The following SLC44A5 variants were observed in gnomAD, a reference collection of about 807,000 sequenced individuals.
The protein encoded by SLC44A5 is solute carrier family 44 member 5, also known as choline transporter-like protein 5.
SLC44A5 carries 57 observed loss-of-function variants against 101.8 expected under a neutral mutation model. That is an observed-to-expected ratio of 0.56 (90% confidence interval 0.45 to 0.70). The LOEUF (loss-of-function observed/expected upper bound fraction) is 0.70. SLC44A5 is among the 30% of genes least tolerant of loss of function. The pLI, the probability that SLC44A5 is intolerant of heterozygous loss-of-function variation, is 0.00. For missense variants in SLC44A5, 737 were observed against 853.1 expected, an observed-to-expected ratio of 0.86 and a Z score of 1.70; for synonymous variants, 281 against 290.9, an observed-to-expected ratio of 0.97 and a Z score of 0.35.
intron 23 of SLC44A5, chr1:75,205,669 T>C (rs193300146): frequency 1.4e-4 from 21 of 152,300 alleles, no homozygotes; most frequent in African/African-American, 4.3e-4. Flanking sequence ...ATCTGAAGTG[T>C]CTTTCTTTTC....
intron 3 of SLC44A5, among the ~76,000 whole-genome samples, chr1:75,396,340 A>T (rs1662119180): frequency 6.6e-6 from 1 of 152,148 alleles, no homozygotes; most frequent in African/African-American, 2.4e-5. Flanking sequence ...CTGGGGTGAT[A>T]AAGCATCAGT....
At position 75,296,235 on chromosome 1, in the gene SLC44A5, A is replaced by G. The variant is rs374943960; in HGVS notation, c.175+4377T>C. On this transcript the variant is annotated intron_variant, in intron 5 of 23. Coordinates refer to ENST00000370859, the MANE Select transcript of SLC44A5 (RefSeq NM_001130058.2). ...GGCTTGGTTCATTTCTCTATTAAAG[A>G]AGCAATCACAAGCCTGACCGTATTC... 6.6e-5 allele frequency among the ~76,000 whole-genome samples: 10 copies of G among 152,278 alleles called. No individual in the cohort carries two copies. The East Asian group carries it at 1.9e-3, about 29-fold the overall frequency.
intron 2 of SLC44A5, among the ~76,000 whole-genome samples, chr1:75,442,364 T>C (rs577409636): frequency 1.3e-5 from 2 of 152,220 alleles, no homozygotes; most frequent in South Asian, 4.1e-4. Flanking sequence ...TGAACTCAAC[T>C]CCCTGACAAA....
the SLC44A5 span, among the ~76,000 whole-genome samples, chr1:75,635,615 A>G: frequency 2.3e-5 from 3 of 130,046 alleles, no homozygotes; most frequent in Admixed American, 2.7e-4. Flanking sequence ...ATGAGAACAC[A>G]TGGACACAGG....
the SLC44A5 span, among the ~76,000 whole-genome samples, chr1:75,667,667 C>A: frequency 6.6e-6 from 1 of 152,268 alleles, no homozygotes; most frequent in East Asian, 1.9e-4. Flanking sequence ...TACTGAGACA[C>A]AGATATGTAT....
intron 1 of SLC44A5, among the ~76,000 whole-genome samples, chr1:75,588,538 A>T (rs1430859669): frequency 6.6e-6 from 1 of 152,180 alleles, no homozygotes; most frequent in Admixed American, 6.6e-5. Flanking sequence ...CGGAAAAAAA[A>T]AGAAAATGGT....
At chr1:75,311,112 G>A (rs1050760279) in intron 4 of SLC44A5, among the ~76,000 whole-genome samples, 2 of 148,806 alleles carry the variant, frequency 1.3e-5, no homozygotes, top group African/African-American at 4.9e-5. Flanking sequence ...ATTCAAAATA[G>A]CATCTTTTTT....
intron 2 of SLC44A5, among the ~76,000 whole-genome samples, chr1:75,492,812 A>T (rs1349618984): frequency 2.6e-5 from 4 of 152,084 alleles, no homozygotes; most frequent in Non-Finnish European, 4.4e-5. Context: ...AACAAATTCT[A>T]CCCCTTGGCC....
chr1:75,626,068 A>G, the SLC44A5 span, among the ~76,000 whole-genome samples: 1 of 152,172 alleles, frequency 6.6e-6, no homozygotes, highest in Non-Finnish European at 1.5e-5. Flanking sequence ...TGTGGAGAAC[A>G]GGGGAAAGGA....
At chr1:75,536,799 G>A (rs948091386) in intron 2 of SLC44A5, among the ~76,000 whole-genome samples, 3 of 145,598 alleles carry the variant, frequency 2.1e-5, no homozygotes, top group African/African-American at 7.5e-5. Flanking sequence ...GAGGTCAGGA[G>A]ATCGAGACCA....
At chr1:75,248,361 T>G (rs1470666659) in intron 7 of SLC44A5, among the ~76,000 whole-genome samples, 2 of 152,078 alleles carry the variant, frequency 1.3e-5, no homozygotes, top group African/African-American at 4.8e-5. Context: ...CATTTCAAAG[T>G]GATGTGCTTA....
chr1:75,353,511 T>G (rs1217857972), intron 3 of SLC44A5, among the ~76,000 whole-genome samples: 1 of 152,350 alleles, frequency 6.6e-6, no homozygotes, highest in African/African-American at 2.4e-5. Context: ...TTCTGGATCA[T>G]AGTAGATGCT....
At chr1:75,336,326 A>G (rs1657441254) in intron 4 of SLC44A5, among the ~76,000 whole-genome samples, 1 of 151,812 alleles carries the variant, frequency 6.6e-6, no homozygotes, top group African/African-American at 2.4e-5. Context: ...GCTACTTTTG[A>G]TATTTTTAGT....
chr1:75,618,241 A>G, the SLC44A5 span, among the ~76,000 whole-genome samples: 1 of 152,248 alleles, frequency 6.6e-6, no homozygotes, highest in Non-Finnish European at 1.5e-5. Flanking sequence ...TGTGATTAAT[A>G]TGCTTTTACA....
At chr1:75,641,664 G>T in the SLC44A5 span, 1 of 1,493,754 alleles carries the variant, frequency 6.7e-7, no homozygotes, top group East Asian at 2.3e-5. Context: ...ACTTCAGCTT[G>T]AAGAATACTA....
chr1:75,377,039 T>G (rs1177765635), intron 3 of SLC44A5, among the ~76,000 whole-genome samples: 13 of 152,278 alleles, frequency 8.5e-5, no homozygotes. Context: ...TGAAGAAGCC[T>G]CAGGAGTCGA....
intron 1 of SLC44A5, among the ~76,000 whole-genome samples, chr1:75,554,469 C>A (rs1297215160): frequency 4.4e-3 from 543 of 123,212 alleles, no homozygotes; most frequent in Admixed American, 5.5e-3. Context: ...GTGACTCTGT[C>A]AAAAAAAAAA....
chr1:75,688,500 T>C, the SLC44A5 span, among the ~76,000 whole-genome samples: 39,254 of 152,104 alleles, frequency 0.26, 5,410 homozygotes, highest in Middle Eastern at 0.37. Flanking sequence ...TTATTGGCCA[T>C]GCTGAATCAT....
chr1:75,507,397 C>A (rs964074349), intron 2 of SLC44A5, among the ~76,000 whole-genome samples: 5 of 152,084 alleles, frequency 3.3e-5, no homozygotes, highest in African/African-American at 9.7e-5. Flanking sequence ...AGGAATGAAG[C>A]CTACGTGATC....
Sources: gnomAD v4.1 joint callset for allele counts (sites outside exome capture counted in the v4.1 genomes callset) on GRCh38, gnomAD v4.1.1 for gene constraint, MANE v1.5 for transcripts, NCBI Gene and HGNC (gene_info 2026-07-23, HGNC 2026-07-21) for gene names.